Variants in SLC25A3 observed in about 807,000 individuals in gnomAD.
SLC25A3 encodes phosphate transport protein.
In SLC25A3, 14 loss-of-function variants were observed where a neutral mutation model predicts 37.1. The ratio of observed to expected loss-of-function variants is 0.38; its 90% CI spans 0.25 to 0.59. The LOEUF is 0.59. Ranked by LOEUF, SLC25A3 falls within the 20% of genes least tolerant of loss-of-function variation. SLC25A3 has a pLI of 0.67. For missense variants in SLC25A3, 385 were observed against 458.1 expected (o/e 0.84, Z 1.46); for synonymous variants, 161 against 168.7 (o/e 0.95, Z 0.36).
chr12:98,593,883 G>A lies in SLC25A3; in HGVS notation c.-4-92G>A, dbSNP rs2097590546. 7 of 1,435,624 alleles carry A rather than the reference G, an allele frequency of 4.9e-6. No homozygotes were observed. The Admixed American group carries it at 8.9e-5, about 18-fold the overall frequency. The allele number at this position is 1,435,624 out of a possible 1,614,324, so 88.9% of individuals were successfully genotyped here. ...TGACCTCTTCAAGGGCGTGGAGACG[G>A]GAAGGAAAAGGCCCCGGTTGGGGTT... On this transcript the variant is annotated intron_variant, in intron 1 of 7. Coordinates refer to ENST00000552981, the MANE Select transcript of SLC25A3 (RefSeq NM_002635.4).
intron 5 of SLC25A3, among the ~76,000 whole-genome samples, 191 bp downstream of exon 5, chr12:98,598,894 G>A (rs1041188048): frequency 1.3e-5 from 2 of 151,476 alleles, no homozygotes; most frequent in African/African-American, 2.4e-5. Flanking sequence ...TCCTGCCTCA[G>A]CCTCCCAAGT....
intron 5 of SLC25A3, chr12:98,599,664 A>T (rs2097596075): frequency 1.7e-6 from 1 of 589,224 alleles, no homozygotes; most frequent in Non-Finnish European, 3.3e-6. Context: ...ACCTTTGTGG[A>T]TGAATCTTGA....
chr12:98,595,957 A>T (rs2097592646), intron 3 of SLC25A3, 109 bp downstream of exon 3: 2 of 985,474 alleles, frequency 2.0e-6, no homozygotes, highest in Non-Finnish European at 3.2e-6. Flanking sequence ...CTTCAGTAGG[A>T]AACCACATAG....
intron 5 of SLC25A3, chr12:98,599,662 G>T (rs761785091): frequency 5.1e-6 from 3 of 586,428 alleles, no homozygotes; most frequent in Non-Finnish European, 9.9e-6. Flanking sequence ...CCACCTTTGT[G>T]GATGAATCTT....
chr12:98,598,272 T>G, intron 4 of SLC25A3: 3 of 703,468 alleles, frequency 4.3e-6, no homozygotes, highest in Admixed American at 2.9e-5. Flanking sequence ...GATTTTGAGT[T>G]TTTTAGAGAA....
intron 2 of SLC25A3, 199 bp downstream of exon 2, chr12:98,594,334 C>T (rs2097591146): frequency 2.8e-6 from 2 of 704,432 alleles, no homozygotes; most frequent in Middle Eastern, 2.3e-4. Flanking sequence ...CCCTCAAGGG[C>T]GTGGAAGCGC....
rs2097601165 is a variant in SLC25A3, at chr12:98,606,268, T to C, written c.*4740T>C. ...GACTCTGTAGTTCACAGTTGAACAC[T>C]GTGGCTTCCTGAAATATCAAAGAAT... On this transcript the variant is annotated 3_prime_UTR_variant, in exon 8 of 8. Coordinates refer to ENST00000552981, the MANE Select transcript of SLC25A3 (RefSeq NM_002635.4). 6.6e-6 allele frequency: 1 copy of C among 152,246 alleles called. No homozygotes were observed. Among genetic ancestry groups the C allele is most frequent in the Non-Finnish European group, 1.5e-5 (1 of 68,048 alleles). The allele number at this position is 152,246 out of a possible 1,614,324, so 9.4% of individuals were successfully genotyped here.
At chr12:98,599,757 C>T in intron 5 of SLC25A3, 198 bp from the exon 6 acceptor site, 1 of 754,676 alleles carries the variant, frequency 1.3e-6, no homozygotes, top group Non-Finnish European at 2.4e-6. Context: ...GTTGTATAGT[C>T]AAAGGTGCTT....
chr12:98,593,747 G>T lies in SLC25A3; in HGVS notation c.-5+7G>T. ...GTGATCGCCATCTTAGGGAGTGAGT[G>T]TGGCCGGGCCTTCTCCTGTGGCGGG... On this transcript the variant is annotated splice_region_variant and intron_variant, in intron 1 of 7. Transcript: ENST00000552981. 5.0e-6 allele frequency: 3 copies of T among 603,170 alleles called. No individual in the cohort carries two copies. In the East Asian group the frequency reaches 8.4e-5, roughly 17 times the overall value. 37.4% of individuals were successfully genotyped at this position (603,170 alleles called of 1,614,324 possible).
intron 2 of SLC25A3, chr12:98,595,081 C>A: frequency 3.5e-6 from 1 of 284,108 alleles, no homozygotes. Flanking sequence ...TGTTTGCAAG[C>A]CTTTTACATG....
At chr12:98,595,474 C>G (rs769842104) in intron 2 of SLC25A3, 5 of 1,613,188 alleles carry the variant, frequency 3.1e-6, no homozygotes, top group Non-Finnish European at 4.2e-6. Flanking sequence ...ATTCTTTATC[C>G]TTTGTGGACT....
intron 3 of SLC25A3, 60 bp downstream of exon 3, chr12:98,595,908 T>C: frequency 1.3e-6 from 2 of 1,482,678 alleles, no homozygotes; most frequent in South Asian, 2.3e-5. Flanking sequence ...CTAAATAAAA[T>C]CTTAAATGAG....
intron 2 of SLC25A3, chr12:98,595,431 A>G (rs780521846): frequency 6.2e-7 from 1 of 1,613,754 alleles, no homozygotes; most frequent in South Asian, 1.1e-5. Context: ...CCAATCAAAC[A>G]GAGCAGTATA....
intron 4 of SLC25A3, 89 bp downstream of exon 4, chr12:98,598,124 C>T: frequency 7.5e-7 from 1 of 1,339,584 alleles, no homozygotes; most frequent in African/African-American, 1.4e-5. Context: ...CTTATTTTAG[C>T]ACTGAAGAAA....
Position 98,601,598 on chromosome 12 carries a change from T to C in SLC25A3, c.*70T>C. 1.0e-6 allele frequency: 1 copy of C among 1,002,300 alleles called. No homozygotes were observed. Among genetic ancestry groups the C allele is most frequent in the Non-Finnish European group, 1.6e-6 (1 of 627,574 alleles). The allele number at this position is 1,002,300 out of a possible 1,614,324, so 62.1% of individuals were successfully genotyped here. A position where few individuals can be genotyped will look rare whatever the true frequency, so the allele number is the denominator to read the frequency against. On this transcript the variant is annotated 3_prime_UTR_variant, in exon 8 of 8. Coordinates refer to ENST00000552981, the MANE Select transcript of SLC25A3 (RefSeq NM_002635.4). ...TTGAAGAAAGTGCAAAAGGAACTTT[T>C]ATATATTTGACAGTGTAGGAAATTG...
Position 98,593,973 on chromosome 12 carries a change from A to G in SLC25A3, c.-4-2A>G. 1 of 1,613,830 alleles carries G rather than the reference A, an allele frequency of 6.2e-7. No homozygotes were observed. On this transcript the variant is annotated splice_acceptor_variant, in intron 1 of 7. Coordinates refer to ENST00000552981, the MANE Select transcript of SLC25A3 (RefSeq NM_002635.4). LOFTEE classifies it low-confidence loss of function (5UTR_SPLICE). ...TCTAACCGTCGCTCCCTCCTCCCCT[A>G]GAAAGATGTTCTCGTCCGTGGCGCA...
At chr12:98,595,395 G>A in intron 2 of SLC25A3, 4 of 1,609,892 alleles carry the variant, frequency 2.5e-6, no homozygotes, top group Non-Finnish European at 2.5e-6. Flanking sequence ...CATCTCTGAA[G>A]AAATACTTAC....
In SLC25A3 at chr12:98,602,875, A is replaced by T. The variant is rs540526295; in HGVS notation, c.*1347A>T. ...AAAACTTTTTCAGAGATTGGAGAGA[A>T]ATGTTACTACAAACTCATGGTAAGG... On this transcript the variant is annotated 3_prime_UTR_variant, in exon 8 of 8. Coordinates refer to ENST00000552981, the MANE Select transcript of SLC25A3 (RefSeq NM_002635.4). 2 of 152,234 alleles carry T rather than the reference A, an allele frequency of 1.3e-5. No individual in the cohort carries two copies. The highest frequency in any genetic ancestry group is 1.3e-4 in the Admixed American group (2 of 15,272). The allele number at this position is 152,234 out of a possible 1,614,324, so 9.4% of individuals were successfully genotyped here. A position where few individuals can be genotyped will look rare whatever the true frequency, so the allele number is the denominator to read the frequency against.
chr12:98,597,818 T>G lies in SLC25A3; in HGVS notation c.280-38T>G, dbSNP rs367876676. On this transcript the variant is annotated intron_variant, in intron 3 of 7. Coordinates refer to ENST00000552981, the MANE Select transcript of SLC25A3 (RefSeq NM_002635.4). ...AGATTAAATTTTTATGTTAGCTGTT[T>G]GGTGCATTTAATTTTTTTTTTCTTG... is the stretch of plus-strand genomic sequence containing the variant. 1.9e-6 allele frequency: 3 copies of G among 1,604,428 alleles called. No homozygotes were observed. In the East Asian group the frequency reaches 6.7e-5, roughly 36 times the overall value.
Sources: gnomAD v4.1 joint callset for allele counts (sites outside exome capture counted in the v4.1 genomes callset) on GRCh38, gnomAD v4.1.1 for gene constraint, MANE v1.5 for transcripts, NCBI Gene and HGNC (gene_info 2026-07-23, HGNC 2026-07-21) for gene names.